Variants in KPNA1 observed in about 807,000 individuals in gnomAD.
KPNA1 encodes the protein importin subunit alpha-5.
A neutral mutation model predicts 70.5 loss-of-function variants in KPNA1; 10 were observed. The ratio of observed to expected loss-of-function variants is 0.14; its 90% CI spans 0.09 to 0.24. The LOEUF (loss-of-function observed/expected upper bound fraction) is 0.24, where lower values mean the gene tolerates loss of function less well. KPNA1 is among the 10% of genes least tolerant of loss of function. The probability of loss-of-function intolerance (pLI) is 1.00; values close to 1 mark genes in which losing one functional copy is unlikely to be tolerated. For synonymous variants in KPNA1, 192 were observed against 221.9 expected (o/e 0.87, Z 1.20); for missense variants, 397 against 637.9 (o/e 0.62, Z 4.07).
intron 9 of KPNA1, among the ~76,000 whole-genome samples, chr3:122,447,234 G>A (rs563016457): frequency 5.2e-4 from 79 of 152,258 alleles, no homozygotes; most frequent in Middle Eastern, 3.4e-3. Flanking sequence ...GAAAATTTTA[G>A]ACCAATATCC....
At chr3:122,462,553 C>A in intron 4 of KPNA1, among the ~76,000 whole-genome samples, 1 of 148,494 alleles carries the variant, frequency 6.7e-6, no homozygotes, top group Admixed American at 6.7e-5. Flanking sequence ...AGAATACATG[C>A]AGGAAGGTAG....
chr3:122,501,168 A>G (rs1173407246), intron 1 of KPNA1, among the ~76,000 whole-genome samples: 1 of 151,302 alleles, frequency 6.6e-6, no homozygotes, highest in African/African-American at 2.4e-5. Flanking sequence ...AGCTAGGGTT[A>G]CAGGCGACTG....
In KPNA1 at chr3:122,426,939, C is replaced by T. The variant is rs745549838; in HGVS notation, c.*46G>A. 1 of 1,520,616 alleles carries T rather than the reference C, an allele frequency of 6.6e-7. No homozygotes were observed. Among genetic ancestry groups the T allele is most frequent in the Admixed American group, 1.7e-5 (1 of 57,584 alleles). The allele number at this position is 1,520,616 out of a possible 1,614,324, so 94.2% of individuals were successfully genotyped here. A position where few individuals can be genotyped will look rare whatever the true frequency, so the allele number is the denominator to read the frequency against. On this transcript the variant is annotated 3_prime_UTR_variant, in exon 14 of 14. Transcript: ENST00000344337. ...CTGTGGGCTCCACAAGAGGACTCGACTGGGTAGCCTGGTCTGACACAGGTA... is the reference window on the plus strand; with the variant it reads ...CTGTGGGCTCCACAAGAGGACTCGATTGGGTAGCCTGGTCTGACACAGGTA...
rs980003285 is a variant in KPNA1, at chr3:122,450,212, A to T, written c.754-475T>A. Among the ~76,000 whole-genome samples the T allele has an allele frequency of 2.6e-4, 39 of 152,224 alleles. 1 individual carries two copies. The highest frequency in any genetic ancestry group is 8.8e-5 in the Non-Finnish European group (6 of 68,032). ...AGAAATTCAAATCAGCAAGAAAAAA[A>T]AATCCCATCAAAAAGTGGGCTAAGG... is the stretch of plus-strand genomic sequence containing the variant. On this transcript the variant is annotated intron_variant, in intron 8 of 13. Coordinates refer to ENST00000344337, the MANE Select transcript of KPNA1 (RefSeq NM_002264.4).
chr3:122,509,258 AAAAG>A (rs950271027), intron 1 of KPNA1, among the ~76,000 whole-genome samples: 8 of 152,050 alleles, frequency 5.3e-5, no homozygotes, highest in Non-Finnish European at 8.8e-5. Flanking sequence ...AAAAAAAAAA[AAAAG>A]AAAGATAAAA....
chr3:122,436,966 G>A (rs1576281591), intron 11 of KPNA1, among the ~76,000 whole-genome samples: 2 of 152,278 alleles, frequency 1.3e-5, no homozygotes, highest in Admixed American at 1.3e-4. Context: ...TTTTAGTAGA[G>A]ACAAGGTTTC....
chr3:122,502,157 C>T (rs1027456777), intron 1 of KPNA1, among the ~76,000 whole-genome samples: 1 of 152,152 alleles, frequency 6.6e-6, no homozygotes, highest in Non-Finnish European at 1.5e-5. Context: ...AATCAGAAGG[C>T]TCACAGAGTG....
intron 1 of KPNA1, among the ~76,000 whole-genome samples, chr3:122,499,590 A>G (rs2076802005): frequency 6.6e-6 from 1 of 152,002 alleles, no homozygotes; most frequent in Admixed American, 6.6e-5. Flanking sequence ...CCATCTCTAC[A>G]AAAAATTTAA....
In KPNA1 at chr3:122,434,548, T is replaced by G. The variant is rs577923273; in HGVS notation, c.1123-760A>C. 3.6e-4 allele frequency among the ~76,000 whole-genome samples: 55 copies of G among 152,298 alleles called. 1 individual carries two copies. The highest frequency in any genetic ancestry group is 3.3e-4 in the Admixed American group (5 of 15,296). On this transcript the variant is annotated intron_variant, in intron 11 of 13. Coordinates refer to ENST00000344337, the MANE Select transcript of KPNA1 (RefSeq NM_002264.4). The stretch of plus-strand genomic sequence containing the variant: ...CATCATCTGCCCGCTATATCAAGTT[T>G]CCTTTTAAACCCCTCTAGTTCACAA...
rs1394101066 is a variant in KPNA1, at chr3:122,427,862, CT to C, written c.1251-147del. On this transcript the variant is annotated intron_variant, in intron 12 of 13. Transcript: ENST00000344337. ...ACTCTTTCAACCATACAAGCTATACCTTTTCACAAAACAAAAACAAAAAACC... is the reference window on the plus strand; with the variant it reads ...ACTCTTTCAACCATACAAGCTATACCTTTCACAAAACAAAAACAAAAAACC... 4.3e-5 allele frequency: 20 copies of C among 468,274 alleles called. No homozygotes were observed. The Middle Eastern group carries it at 1.7e-3, about 40-fold the overall frequency. The allele number at this position is 468,274 out of a possible 1,614,324, so 29.0% of individuals were successfully genotyped here. A position where few individuals can be genotyped will look rare whatever the true frequency, so the allele number is the denominator to read the frequency against.
chr3:122,451,961 G>A lies in KPNA1; in HGVS notation c.653+15C>T, dbSNP rs752774844. 15 of 1,473,896 alleles carry A rather than the reference G, an allele frequency of 1.0e-5. No homozygotes were observed. The highest frequency in any genetic ancestry group is 9.3e-7 in the Non-Finnish European group (1 of 1,070,998). 91.3% of individuals were successfully genotyped at this position (1,473,896 alleles called of 1,614,324 possible). The stretch of plus-strand genomic sequence containing the variant: ...TCAAAAAGAAAAAAAAAGGAAGAAG[G>A]AAGAAGAAACTTACTGCAAAAGAGG... On this transcript the variant is annotated intron_variant, in intron 7 of 13. Coordinates refer to ENST00000344337, the MANE Select transcript of KPNA1 (RefSeq NM_002264.4).
At chr3:122,460,734 A>C in intron 5 of KPNA1, 3 of 918,182 alleles carry the variant, frequency 3.3e-6, no homozygotes, top group Non-Finnish European at 3.9e-6. Context: ...TGAAAGCCTA[A>C]ATTGACACAG....
At chr3:122,488,610 A>G (rs2076657261) in intron 2 of KPNA1, among the ~76,000 whole-genome samples, 1 of 152,240 alleles carries the variant, frequency 6.6e-6, no homozygotes, top group Non-Finnish European at 1.5e-5. Context: ...GATTTGCTCA[A>G]GTAATCCAGG....
In KPNA1 at chr3:122,437,287, C is replaced by T. The variant is rs775872464; in HGVS notation, c.1005G>A (p.Leu335=). 47 of 1,600,164 alleles carry T rather than the reference C, an allele frequency of 2.9e-5. No homozygotes were observed. The highest frequency in any genetic ancestry group is 1.3e-5 in the African/African-American group (1 of 74,144). Residue 335 remains leucine (L), a synonymous_variant, in exon 11 of 14, where the codon CTG becomes CTA. Transcript: ENST00000344337. ...ATAAACTCTGCAGAGCTGAGCAATT[C>T]AGAATTACCTAAAAGAAAAAGTTTG... ...TGDDIQTQVI[L]NCSALQSLLH...
intron 2 of KPNA1, among the ~76,000 whole-genome samples, chr3:122,493,466 TGG>T (rs2076723192): frequency 6.6e-6 from 1 of 151,916 alleles, no homozygotes. Context: ...TAAGAGCCTA[TGG>T]AGGGATATAC....
At chr3:122,470,632 A>G (rs919862448) in intron 2 of KPNA1, among the ~76,000 whole-genome samples, 2 of 152,182 alleles carry the variant, frequency 1.3e-5, no homozygotes, top group African/African-American at 4.8e-5. Context: ...TTATAGTAAG[A>G]TACACTACCT....
chr3:122,438,687 G>A (rs1293006119), intron 10 of KPNA1, among the ~76,000 whole-genome samples: 1 of 152,084 alleles, frequency 6.6e-6, no homozygotes, highest in East Asian at 1.9e-4. Flanking sequence ...CGCTCGGCCA[G>A]GTATTTCTTT....
chr3:122,485,441 G>A (rs1328557669), intron 2 of KPNA1, among the ~76,000 whole-genome samples: 1 of 142,648 alleles, frequency 7.0e-6, no homozygotes, highest in African/African-American at 2.5e-5. Flanking sequence ...CTGAACGACT[G>A]GATAGCCATA....
intron 2 of KPNA1, among the ~76,000 whole-genome samples, chr3:122,468,246 A>G (rs2076403363): frequency 6.6e-6 from 1 of 152,240 alleles, no homozygotes; most frequent in African/African-American, 2.4e-5. Context: ...CAGGAAAGGT[A>G]AACTCAACCA....
Sources: allele counts gnomAD v4.1 joint callset (sites outside exome capture counted in the v4.1 genomes callset), GRCh38; gene constraint gnomAD v4.1.1; transcripts MANE v1.5; gene names NCBI Gene and HGNC (gene_info 2026-07-23, HGNC 2026-07-21).